The following TMEM59 variants were observed in gnomAD, a reference collection of about 807,000 sequenced individuals.
TMEM59 encodes the protein transmembrane protein 59.
A neutral mutation model predicts 42.2 loss-of-function variants in TMEM59; 44 were observed. The observed-to-expected ratio is 1.04, with a 90% confidence interval of 0.82 to 1.34. The LOEUF is 1.34. TMEM59 is among the 40% of genes most tolerant of loss of function. TMEM59 has a pLI of 0.00. For synonymous variants in TMEM59, 148 were observed against 145.8 expected (o/e 1.02, Z -0.11); for missense variants, 359 against 382.8 (o/e 0.94, Z 0.52).
chr1:54,036,280 C>CA (rs368533117), intron 7 of TMEM59, among the ~76,000 whole-genome samples: 174 of 135,030 alleles, frequency 1.3e-3, no homozygotes, highest in Middle Eastern at 3.8e-3. Flanking sequence ...GACTCTGCCT[C>CA]AAAAAAAAAA....
At chr1:54,050,900 T>G (rs1657513778) in intron 1 of TMEM59, among the ~76,000 whole-genome samples, 1 of 151,844 alleles carries the variant, frequency 6.6e-6, no homozygotes, top group South Asian at 2.1e-4. Flanking sequence ...GGTCTCATTC[T>G]CAGACTGGCG....
At chr1:54,032,570 T>TC (rs1656799364) in intron 7 of TMEM59, among the ~76,000 whole-genome samples, 1 of 152,244 alleles carries the variant, frequency 6.6e-6, no homozygotes, top group Non-Finnish European at 1.5e-5. Context: ...ATGGATGCCT[T>TC]AAGTGATCAA....
At chr1:54,052,492 A>T (rs535309704) in intron 1 of TMEM59, among the ~76,000 whole-genome samples, 1 of 152,180 alleles carries the variant, frequency 6.6e-6, no homozygotes, top group Non-Finnish European at 1.5e-5. Context: ...CTACTCCCTG[A>T]GCTGCCTTCG....
chr1:54,030,637 G>A lies in TMEM59; in HGVS notation c.*1513C>T, dbSNP rs1050191444. ...CATGTTTTCTAACAAAAAGAAGAAAGAAACAATGACTGCTTGACAATGACG... is the reference window on the plus strand; with the variant it reads ...CATGTTTTCTAACAAAAAGAAGAAAAAAACAATGACTGCTTGACAATGACG... On this transcript the variant is annotated 3_prime_UTR_variant, in exon 8 of 8. Transcript: ENST00000234831. 4 of 152,164 alleles carry A rather than the reference G, an allele frequency of 2.6e-5. No homozygotes were observed. Among genetic ancestry groups the A allele is most frequent in the African/African-American group, 9.7e-5 (4 of 41,422 alleles). The allele number at this position is 152,164 out of a possible 1,614,324, so 9.4% of individuals were successfully genotyped here.
Position 54,032,021 on chromosome 1 carries a change from G to A in TMEM59, c.*129C>T, listed in dbSNP as rs1656779246. 9 of 794,484 alleles carry A rather than the reference G, an allele frequency of 1.1e-5. No individual in the cohort carries two copies. In the South Asian group the frequency reaches 3.2e-4, roughly 28 times the overall value. 49.2% of individuals were successfully genotyped at this position (794,484 alleles called of 1,614,324 possible). A position where few individuals can be genotyped will look rare whatever the true frequency, so the allele number is the denominator to read the frequency against. ...AGTTATAGCAAATACAGTCTTCACA[G>A]ATTTGAGTAACTTTATTTGCATTTT... On this transcript the variant is annotated 3_prime_UTR_variant, in exon 8 of 8. Coordinates refer to ENST00000234831, the MANE Select transcript of TMEM59 (RefSeq NM_004872.5).
At position 54,030,085 on chromosome 1, in the gene TMEM59, C is replaced by T. The variant is rs371711186; in HGVS notation, c.*2065G>A. On this transcript the variant is annotated 3_prime_UTR_variant, in exon 8 of 8. Coordinates refer to ENST00000234831, the MANE Select transcript of TMEM59 (RefSeq NM_004872.5). ...TCTCAGGCACTTCTCATTCAGGAAG[C>T]GAAGAGAAATGAAACCAAGGGAAGG... 1.8e-4 allele frequency: 27 copies of T among 149,692 alleles called. No individual in the cohort carries two copies. The highest frequency in any genetic ancestry group is 6.2e-4 in the African/African-American group (25 of 40,510). 9.3% of individuals were successfully genotyped at this position (149,692 alleles called of 1,614,324 possible).
chr1:54,043,338 A>G (rs764864818), intron 4 of TMEM59, 35 bp downstream of exon 4: 1 of 1,470,946 alleles, frequency 6.8e-7, no homozygotes, highest in Non-Finnish European at 9.0e-7. Context: ...TACTGTTGTT[A>G]GTATTTAGAT....
chr1:54,046,578 A>T (rs1657344320), intron 2 of TMEM59, among the ~76,000 whole-genome samples: 1 of 152,232 alleles, frequency 6.6e-6, no homozygotes, highest in South Asian at 2.1e-4. Flanking sequence ...TATAAAGATG[A>T]TCAGTTAGGA....
At position 54,032,055 on chromosome 1, in the gene TMEM59, T is replaced by G; in HGVS notation, c.*95A>C. 4.4e-6 allele frequency: 5 copies of G among 1,135,466 alleles called. No homozygotes were observed. Among genetic ancestry groups the G allele is most frequent in the Non-Finnish European group, 5.9e-6 (5 of 850,496 alleles). 70.3% of individuals were successfully genotyped at this position (1,135,466 alleles called of 1,614,324 possible). On this transcript the variant is annotated 3_prime_UTR_variant, in exon 8 of 8. Coordinates refer to ENST00000234831, the MANE Select transcript of TMEM59 (RefSeq NM_004872.5). The stretch of plus-strand genomic sequence containing the variant: ...AACTTTATTTGCATTTTATAGTGAT[T>G]TCTTAAGGCCTATATCCAATGAAAC...
At chr1:54,047,546 T>C in intron 1 of TMEM59, 174 bp from the exon 2 acceptor site, 1 of 562,514 alleles carries the variant, frequency 1.8e-6, no homozygotes, top group Non-Finnish European at 3.1e-6. Context: ...CTTTGCCATA[T>C]AGAGGTTTTA....
chr1:54,040,938 TTTTG>T (rs1018012141), intron 5 of TMEM59, 101 bp from the exon 6 acceptor site: 26 of 919,360 alleles, frequency 2.8e-5, no homozygotes, highest in Middle Eastern at 3.3e-4. Flanking sequence ...ATCCAATTGT[TTTTG>T]TTTGTGTCAT....
In TMEM59 at chr1:54,028,308, A is replaced by G. The variant is rs889420624; in HGVS notation, c.*3842T>C. On this transcript the variant is annotated 3_prime_UTR_variant, in exon 8 of 8. Coordinates refer to ENST00000234831, the MANE Select transcript of TMEM59 (RefSeq NM_004872.5). ...AAAAATATAAGTAAAATGAAATAGT[A>G]TTCTTGGGTATTAAAAAAAGAACTC... 13 of 152,300 alleles carry G rather than the reference A, an allele frequency of 8.5e-5. No individual in the cohort carries two copies. Among genetic ancestry groups the G allele is most frequent in the African/African-American group, 3.1e-4 (13 of 41,548 alleles). The allele number at this position is 152,300 out of a possible 1,614,324, so 9.4% of individuals were successfully genotyped here.
intron 6 of TMEM59, among the ~76,000 whole-genome samples, chr1:54,037,254 A>C (rs992127835): frequency 3.3e-5 from 5 of 152,260 alleles, no homozygotes; most frequent in African/African-American, 1.2e-4. Context: ...AAAAAAGCAC[A>C]GCTATTATAA....
At chr1:54,045,844 A>G (rs1177362076) in intron 2 of TMEM59, 58 bp from the exon 3 acceptor site, 2 of 1,465,220 alleles carry the variant, frequency 1.4e-6, no homozygotes, top group African/African-American at 2.8e-5. Flanking sequence ...AAGAGGAAAG[A>G]AAAGGATTTG....
At chr1:54,049,220 C>T (rs946832201) in intron 1 of TMEM59, among the ~76,000 whole-genome samples, 1 of 152,208 alleles carries the variant, frequency 6.6e-6, no homozygotes, top group Non-Finnish European at 1.5e-5. Context: ...GTTACTTAAT[C>T]TAATTCCTCA....
At chr1:54,036,550 A>G in intron 7 of TMEM59, 60 bp downstream of exon 7, 1 of 1,249,410 alleles carries the variant, frequency 8.0e-7, no homozygotes, top group Non-Finnish European at 1.1e-6. Flanking sequence ...CTAAACAAAT[A>G]AGGTGTTTAA....
At chr1:54,033,907 C>T (rs1318921961) in intron 7 of TMEM59, 1 of 152,192 alleles carries the variant, frequency 6.6e-6, no homozygotes, top group African/African-American at 2.4e-5. Flanking sequence ...CACCTGAGGT[C>T]AGGCGTTCCA....
At position 54,038,419 on chromosome 1, in the gene TMEM59, T is replaced by C. The variant is rs1204549074; in HGVS notation, c.708-1701A>G. Among the ~76,000 whole-genome samples, 19 of 152,298 alleles carry C rather than the reference T, an allele frequency of 1.2e-4. 1 individual carries two copies. In the East Asian group the frequency reaches 3.5e-3, roughly 28 times the overall value. On this transcript the variant is annotated intron_variant, in intron 6 of 7. Coordinates refer to ENST00000234831, the MANE Select transcript of TMEM59 (RefSeq NM_004872.5). ...ACATGTGTAGGACTGTGTGTGTGTATAGCAATCATTATTGTCCATGTCTGT... is the reference window on the plus strand; with the variant it reads ...ACATGTGTAGGACTGTGTGTGTGTACAGCAATCATTATTGTCCATGTCTGT...
intron 1 of TMEM59, among the ~76,000 whole-genome samples, chr1:54,049,312 T>G (rs1657449346): frequency 6.6e-6 from 1 of 152,226 alleles, no homozygotes. Flanking sequence ...TTGCAGAGTG[T>G]CAATCTTCAC....
Sources: allele counts gnomAD v4.1 joint callset (sites outside exome capture counted in the v4.1 genomes callset), GRCh38; gene constraint gnomAD v4.1.1; transcripts MANE v1.5; gene names NCBI Gene and HGNC (gene_info 2026-07-23, HGNC 2026-07-21).